The following DMD variants were observed in gnomAD, a reference collection of about 807,000 sequenced individuals.
The protein encoded by DMD is dystrophin, also known as mutant dystrophin.
A neutral mutation model predicts 330.1 loss-of-function variants in DMD; 63 were observed. That is an observed-to-expected ratio of 0.19 (90% CI 0.16 to 0.24). DMD has a LOEUF of 0.24. Ranked by LOEUF, DMD falls within the 10% of genes least tolerant of loss-of-function variation. The pLI, the probability that DMD is intolerant of heterozygous loss-of-function variation, is 1.00. For synonymous variants in DMD, 1,223 were observed against 959.8 expected (o/e 1.27, Z -5.07); for missense variants, 3,344 against 2,684.1 (o/e 1.25, Z -5.43).
At chrX:32,703,556 T>C (rs2064329325) in intron 7 of DMD, among the ~76,000 whole-genome samples, 1 of 111,733 alleles carries the variant, frequency 8.9e-6, no homozygotes, top group Non-Finnish European at 1.9e-5. Context: ...ATTATGAGTA[T>C]ATAGCAGATG....
At chrX:33,032,867 C>G (rs2094138889) in intron 1 of DMD, among the ~76,000 whole-genome samples, 1 of 112,324 alleles carries the variant, frequency 8.9e-6, no homozygotes, top group Non-Finnish European at 1.9e-5. Flanking sequence ...CATTCACTCC[C>G]TGTTCACCAA....
At chrX:33,119,052 C>T (rs1046739368) in intron 1 of DMD, among the ~76,000 whole-genome samples, 1 of 112,137 alleles carries the variant, frequency 8.9e-6, no homozygotes, top group Non-Finnish European at 1.9e-5. Context: ...ATCCACTGTT[C>T]GATATCCAGC....
rs375474366 is a variant in DMD at position 32,609,317 on chromosome X, TTGC to T, written c.1482+4983_1482+4985del. Among the ~76,000 whole-genome samples, 484 of 111,150 alleles carry T rather than the reference TTGC, an allele frequency of 4.4e-3. 2 individuals are homozygous for T. Among genetic ancestry groups the T allele is most frequent in the African/African-American group, 0.015 (455 of 30,765 alleles). ...AAATATTAAGATAAGTTTTCCTAAA[TTGC>T]TGCTATTTCTAGTTTAATTTCTCAT... is the stretch of plus-strand genomic sequence containing the variant. On this transcript the variant is annotated intron_variant, in intron 12 of 78. Coordinates refer to ENST00000357033, the MANE Select transcript of DMD (RefSeq NM_004006.3).
At chrX:32,245,952 A>G (rs1462204159) in intron 43 of DMD, among the ~76,000 whole-genome samples, 1 of 101,393 alleles carries the variant, frequency 9.9e-6, no homozygotes. Context: ...AATACCTTTT[A>G]TTTCCTTCTC....
At chrX:31,223,495 A>G (rs759272819) in intron 63 of DMD, among the ~76,000 whole-genome samples, 3 of 112,825 alleles carry the variant, frequency 2.7e-5, no homozygotes. Flanking sequence ...CAAGAAATAC[A>G]TTATTTAAAT....
At chrX:32,444,414 C>T (rs1170428260) in intron 27 of DMD, among the ~76,000 whole-genome samples, 1 of 110,124 alleles carries the variant, frequency 9.1e-6, no homozygotes, top group East Asian at 2.8e-4. Context: ...TAGATGAGCT[C>T]GCAAATAAAC....
chrX:32,225,178 G>A (rs2097143457), intron 43 of DMD, among the ~76,000 whole-genome samples: 1 of 112,100 alleles, frequency 8.9e-6, no homozygotes. Flanking sequence ...AAACTTTATA[G>A]ATAAAGATCT....
At chrX:31,961,674 T>G (rs1438016883) in intron 45 of DMD, among the ~76,000 whole-genome samples, 1 of 108,460 alleles carries the variant, frequency 9.2e-6, no homozygotes, top group Non-Finnish European at 1.9e-5. Flanking sequence ...TTAAGATGAG[T>G]CTTAAGGGAT....
intron 62 of DMD, among the ~76,000 whole-genome samples, chrX:31,276,885 C>T (rs2052172675): frequency 9.0e-6 from 1 of 111,232 alleles, no homozygotes; most frequent in Non-Finnish European, 1.9e-5. Flanking sequence ...TGTTCAAAAT[C>T]AAGATTGTGG....
chrX:32,549,693 A>G (rs898336206), intron 16 of DMD, among the ~76,000 whole-genome samples: 6 of 111,653 alleles, frequency 5.4e-5, no homozygotes, highest in Non-Finnish European at 9.4e-5. Flanking sequence ...TCTGAGAAAA[A>G]TTGGAAGAGC....
chrX:32,655,251 T>G (rs746472001), intron 9 of DMD, among the ~76,000 whole-genome samples: 1 of 112,455 alleles, frequency 8.9e-6, no homozygotes, highest in Non-Finnish European at 1.9e-5. Context: ...TTTAGATCTT[T>G]CCTGCTTTCT....
At chrX:32,834,747 A>C (rs976645988) in intron 4 of DMD, among the ~76,000 whole-genome samples, 2 of 112,049 alleles carry the variant, frequency 1.8e-5, no homozygotes, top group Non-Finnish European at 3.8e-5. Flanking sequence ...AGCTGGTACA[A>C]TGAACATAAT....
intron 45 of DMD, among the ~76,000 whole-genome samples, chrX:31,939,215 A>G (rs1313933603): frequency 8.9e-6 from 1 of 111,845 alleles, no homozygotes; most frequent in East Asian, 2.8e-4. Context: ...TATCAGAATC[A>G]GAACCCAAGC....
At chrX:32,325,606 G>T (rs1228893363) in intron 41 of DMD, among the ~76,000 whole-genome samples, 1 of 111,291 alleles carries the variant, frequency 9.0e-6, no homozygotes, top group Non-Finnish European at 1.9e-5. Flanking sequence ...CCATATTGGT[G>T]CCCCTCACTG....
chrX:31,483,148 G>C (rs757331529), intron 57 of DMD, among the ~76,000 whole-genome samples: 1 of 103,143 alleles, frequency 9.7e-6, no homozygotes, highest in East Asian at 3.0e-4. Context: ...CCAGGTTCAT[G>C]CCATTCTCCT....
chrX:31,479,023 C>A lies in DMD; in HGVS notation c.8628G>T (p.Gln2876His). Residue 2876 changes from glutamine (Q) to histidine (H), a missense_variant, in exon 58 of 79, where the codon CAG (glutamine) becomes CAT (histidine). By Grantham distance (24) the Gln-to-His change is conservative. Coordinates refer to ENST00000357033, the MANE Select transcript of DMD (RefSeq NM_004006.3). ...LETVRIFLTEQPLEGLEKLYQ... is the reference protein window; with the variant it reads ...LETVRIFLTEHPLEGLEKLYQ... ...AGAGTTTCTCTAGTCCTTCCAAAGG[C>A]TGCTCTGTCAGAAATATTCGTACAG... 2.5e-6 allele frequency: 3 copies of A among 1,209,704 alleles called. No homozygotes were observed. The highest frequency in any genetic ancestry group is 3.4e-6 in the Non-Finnish European group (3 of 893,823).
intron 2 of DMD, among the ~76,000 whole-genome samples, chrX:32,939,966 C>T (rs770953788): frequency 1.3e-4 from 14 of 111,310 alleles, no homozygotes; most frequent in Admixed American, 6.7e-4. Context: ...AAGCAATCTA[C>T]GAATTAAATG....
intron 44 of DMD, among the ~76,000 whole-genome samples, chrX:32,169,859 CTTT>C (rs1482967305): frequency 9.8e-6 from 1 of 101,524 alleles, no homozygotes; most frequent in South Asian, 4.1e-4. Context: ...TTCGACTTAT[CTTT>C]TTTCCCACTT....
intron 53 of DMD, among the ~76,000 whole-genome samples, chrX:31,677,862 T>C (rs2082163529): frequency 8.9e-6 from 1 of 112,449 alleles, no homozygotes; most frequent in Admixed American, 9.4e-5. Context: ...CCATTAACTC[T>C]TCCTGAAATT....
Sources: gnomAD v4.1 joint callset for allele counts (sites outside exome capture counted in the v4.1 genomes callset) on GRCh38, gnomAD v4.1.1 for gene constraint, MANE v1.5 for transcripts, NCBI Gene and HGNC (gene_info 2026-07-23, HGNC 2026-07-21) for gene names.